The following KCNIP1 variants were observed in gnomAD, a reference collection of about 807,000 sequenced individuals.
KCNIP1 encodes the protein A-type potassium channel modulatory protein KCNIP1.
KCNIP1 carries 18 observed loss-of-function variants against 33.0 expected under a neutral mutation model. That is an observed-to-expected ratio of 0.55 (90% confidence interval 0.38 to 0.81). The LOEUF (loss-of-function observed/expected upper bound fraction) is 0.81, where lower values mean the gene tolerates loss of function less well. KCNIP1 is among the 30% of genes least tolerant of loss of function. KCNIP1 has a pLI of 0.00. For synonymous variants in KCNIP1, 93 were observed against 98.3 expected (o/e 0.95, Z 0.32); for missense variants, 238 against 271.6 (o/e 0.88, Z 0.87).
rs1447226137 is a variant in KCNIP1, at chr5:170,567,900, C to CCTG, written c.61+63268_61+63270dup. On this transcript the variant is annotated intron_variant, in intron 1 of 7. Coordinates refer to ENST00000328939, the MANE Select transcript of KCNIP1 (RefSeq NM_014592.4). ...AAGCAGAGGCTCATTAAAGAGCTGC[C>CCTG]CTGGGCCCAGGCTACATCCTTGGCA... Among the ~76,000 whole-genome samples the CCTG allele has an allele frequency of 3.3e-5, 5 of 152,302 alleles. No individual in the cohort carries two copies. The East Asian group carries it at 9.6e-4, about 29-fold the overall frequency.
At chr5:170,440,155 G>A (rs566356392) in intron 1 of KCNIP1, among the ~76,000 whole-genome samples, 1 of 152,300 alleles carries the variant, frequency 6.6e-6, no homozygotes, top group African/African-American at 2.4e-5. Flanking sequence ...GGAGAAGGCG[G>A]CGTCTGCAAA....
chr5:170,711,120 G>A (rs1323382867), intron 1 of KCNIP1, among the ~76,000 whole-genome samples: 1 of 152,182 alleles, frequency 6.6e-6, no homozygotes, highest in African/African-American at 2.4e-5. Flanking sequence ...TGGACTCACT[G>A]GGCTTAAATG....
chr5:170,604,158 C>T (rs1021477489), intron 1 of KCNIP1, among the ~76,000 whole-genome samples: 1 of 152,028 alleles, frequency 6.6e-6, no homozygotes, highest in Non-Finnish European at 1.5e-5. Context: ...CAACAGGTGG[C>T]GCCATTTACC....
chr5:170,365,055 C>T (rs950887464), intron 1 of KCNIP1, among the ~76,000 whole-genome samples: 3 of 152,230 alleles, frequency 2.0e-5, no homozygotes, highest in Admixed American at 2.0e-4. Flanking sequence ...GTTTATGATC[C>T]AGCTCATCCA....
chr5:170,528,780 T>C (rs1755678751), intron 1 of KCNIP1, among the ~76,000 whole-genome samples: 1 of 152,188 alleles, frequency 6.6e-6, no homozygotes, highest in African/African-American at 2.4e-5. Context: ...TAGACCATTT[T>C]TCATTTGGGA....
chr5:170,663,110 T>G (rs1761561358), intron 1 of KCNIP1, among the ~76,000 whole-genome samples: 1 of 152,168 alleles, frequency 6.6e-6, no homozygotes, highest in Non-Finnish European at 1.5e-5. Context: ...CTTCAGATCA[T>G]CCTGCCTCAG....
chr5:170,542,069 C>T (rs1309176163), intron 1 of KCNIP1, among the ~76,000 whole-genome samples: 1 of 152,306 alleles, frequency 6.6e-6, no homozygotes, highest in Non-Finnish European at 1.5e-5. Context: ...TGCACCCGGG[C>T]TCCTAGCCAT....
At position 170,356,675 on chromosome 5, in the gene KCNIP1, A is replaced by C. The variant is rs563105104; in HGVS notation, c.88+2711A>C. Among the ~76,000 whole-genome samples the C allele has an allele frequency of 4.6e-5, 7 of 152,306 alleles. No homozygotes were observed. In the South Asian group the frequency reaches 1.5e-3, roughly 32 times the overall value. Reference sequence around the variant, plus strand: ...ACTAGACTTCAGCTCCATCATGGCAAGACCATGTGCATTTTTTTGCTCACC... The same window carrying C: ...ACTAGACTTCAGCTCCATCATGGCACGACCATGTGCATTTTTTTGCTCACC... On this transcript the variant is annotated intron_variant, in intron 1 of 7. Transcript: ENST00000377360.
chr5:170,696,943 C>T (rs143088794), intron 1 of KCNIP1, among the ~76,000 whole-genome samples: 203 of 152,272 alleles, frequency 1.3e-3, no homozygotes, highest in African/African-American at 4.5e-3. Flanking sequence ...ACATTTCCTT[C>T]TGCTCCAGAA....
At chr5:170,722,842 G>A (rs1368165803) in intron 5 of KCNIP1, 22 bp downstream of exon 5, 2 of 1,472,392 alleles carry the variant, frequency 1.4e-6, no homozygotes, top group Non-Finnish European at 1.9e-6. Context: ...GGGGCCAGGG[G>A]TGTGAGAGGG....
intron 1 of KCNIP1, among the ~76,000 whole-genome samples, chr5:170,700,584 C>T (rs747427359): frequency 2.6e-5 from 4 of 152,086 alleles, no homozygotes; most frequent in East Asian, 1.9e-4. Context: ...AAATATTATT[C>T]ATTTAATATC....
At chr5:170,627,975 G>A (rs560502577) in intron 1 of KCNIP1, among the ~76,000 whole-genome samples, 1 of 152,118 alleles carries the variant, frequency 6.6e-6, no homozygotes, top group Non-Finnish European at 1.5e-5. Flanking sequence ...ATCCCCCAGC[G>A]CCAGGCCTGA....
intron 1 of KCNIP1, among the ~76,000 whole-genome samples, chr5:170,650,039 G>A (rs991766186): frequency 6.6e-6 from 1 of 152,162 alleles, no homozygotes; most frequent in Non-Finnish European, 1.5e-5. Context: ...TGGCTCCTGT[G>A]CAGTTGGGAG....
chr5:170,733,724 G>T, intron 6 of KCNIP1, 112 bp from the exon 7 acceptor site: 1 of 854,042 alleles, frequency 1.2e-6, no homozygotes. Flanking sequence ...TTAATGAAAT[G>T]AATGAAATGA....
chr5:170,503,601 G>C (rs1397130172), upstream of KCNIP1, among the ~76,000 whole-genome samples: 1 of 151,756 alleles, frequency 6.6e-6, no homozygotes, highest in Admixed American at 6.6e-5. Context: ...TTCTGGGTGG[G>C]GCAGACTTTC....
intron 1 of KCNIP1, among the ~76,000 whole-genome samples, chr5:170,699,865 C>G (rs1415753718): frequency 6.6e-6 from 1 of 152,210 alleles, no homozygotes; most frequent in Non-Finnish European, 1.5e-5. Flanking sequence ...GGACACGAAG[C>G]CAGCAGGCAG....
chr5:170,535,109 C>T (rs182442836), intron 1 of KCNIP1, among the ~76,000 whole-genome samples: 94 of 152,322 alleles, frequency 6.2e-4, no homozygotes, highest in African/African-American at 1.7e-3. Context: ...GCGCCGTCTC[C>T]GCAACCTAGG....
chr5:170,360,992 G>A (rs1337952935), intron 1 of KCNIP1, among the ~76,000 whole-genome samples: 1 of 152,252 alleles, frequency 6.6e-6, no homozygotes, highest in Non-Finnish European at 1.5e-5. Context: ...GAGTTTGACA[G>A]CAGTGACCAG....
At chr5:170,535,225 C>T (rs1755936601) in intron 1 of KCNIP1, among the ~76,000 whole-genome samples, 1 of 152,152 alleles carries the variant, frequency 6.6e-6, no homozygotes, top group African/African-American at 2.4e-5. Flanking sequence ...GGAGGGAGGC[C>T]GTGTCCTCCA....
Sources: allele counts gnomAD v4.1 joint callset (sites outside exome capture counted in the v4.1 genomes callset), GRCh38; gene constraint gnomAD v4.1.1; transcripts MANE v1.5; gene names NCBI Gene and HGNC (gene_info 2026-07-23, HGNC 2026-07-21).